Variants in PTDSS1 observed in about 807,000 individuals in gnomAD.
The protein encoded by PTDSS1 is phosphatidylserine synthase 1, also known as PSS-1.
PTDSS1 carries 45 observed loss-of-function variants against 70.5 expected under a neutral mutation model. That is an observed-to-expected ratio of 0.64 (90% CI 0.50 to 0.82). The LOEUF (loss-of-function observed/expected upper bound fraction) is 0.82, where lower values mean the gene tolerates loss of function less well. PTDSS1 is among the 40% of genes least tolerant of loss of function. The pLI, the probability that PTDSS1 is intolerant of heterozygous loss-of-function variation, is 0.00. For synonymous variants in PTDSS1, 188 were observed against 203.8 expected (o/e 0.92, Z 0.66); for missense variants, 417 against 586.1 (o/e 0.71, Z 2.98).
At chr8:96,320,383 C>A in intron 10 of PTDSS1, 38 bp downstream of exon 10, 1 of 1,508,386 alleles carries the variant, frequency 6.6e-7, no homozygotes, top group African/African-American at 1.4e-5. Flanking sequence ...ATTAGCTAAA[C>A]TCTCATAGTA....
At chr8:96,276,894 C>G (rs1476659488) in intron 2 of PTDSS1, among the ~76,000 whole-genome samples, 1 of 151,986 alleles carries the variant, frequency 6.6e-6, no homozygotes, top group African/African-American at 2.4e-5. Context: ...TTGATCTGAG[C>G]CTTCCTACTG....
chr8:96,307,147 C>T (rs1811136015), intron 8 of PTDSS1, among the ~76,000 whole-genome samples: 1 of 152,090 alleles, frequency 6.6e-6, no homozygotes, highest in East Asian at 1.9e-4. Flanking sequence ...CAGTGCAGTT[C>T]AAAGCAAGCA....
At chr8:96,290,460 T>G (rs1231000716) in intron 4 of PTDSS1, among the ~76,000 whole-genome samples, 1 of 151,754 alleles carries the variant, frequency 6.6e-6, no homozygotes, top group Admixed American at 6.6e-5. Flanking sequence ...GACATCCAGA[T>G]GTCAAAGTTA....
chr8:96,320,146 T>G lies in PTDSS1; in HGVS notation c.1074-100T>G. 2.9e-6 allele frequency: 3 copies of G among 1,028,384 alleles called. No homozygotes were observed. The South Asian group carries it at 4.4e-5, about 15-fold the overall frequency. 63.7% of individuals were successfully genotyped at this position (1,028,384 alleles called of 1,614,324 possible). A position where few individuals can be genotyped will look rare whatever the true frequency, so the allele number is the denominator to read the frequency against. ...ACCAGTGTTTGAGGCAGAAATCGCA[T>G]GATGAGTTGAACTTTTTCATTCAAT... On this transcript the variant is annotated intron_variant, in intron 9 of 12. Coordinates refer to ENST00000517309, the MANE Select transcript of PTDSS1 (RefSeq NM_014754.3).
intron 11 of PTDSS1, chr8:96,330,817 A>G: frequency 1.8e-6 from 1 of 554,508 alleles, no homozygotes; most frequent in Non-Finnish European, 3.2e-6. Context: ...AACTTAAGGC[A>G]TGTTGTGGAA....
intron 7 of PTDSS1, among the ~76,000 whole-genome samples, chr8:96,305,230 G>A (rs1811106087): frequency 6.6e-6 from 1 of 152,238 alleles, no homozygotes; most frequent in African/African-American, 2.4e-5. Context: ...GGTATGCGAT[G>A]GAGCACACTG....
In PTDSS1 at chr8:96,333,865, T is replaced by A. The variant is rs888193718; in HGVS notation, c.*299T>A. On this transcript the variant is annotated 3_prime_UTR_variant, in exon 13 of 13. Transcript: ENST00000517309. Reference sequence around the variant, plus strand: ...GGAAACGGTAGCTATTCATTCACAGTTGCCAAGAGCAGCTCCGCGCCTGCT... The same window carrying A: ...GGAAACGGTAGCTATTCATTCACAGATGCCAAGAGCAGCTCCGCGCCTGCT... The A allele has an allele frequency of 2.8e-5, 18 of 639,328 alleles. No homozygotes were observed. The Admixed American group carries it at 3.2e-4, about 11-fold the overall frequency. 39.6% of individuals were successfully genotyped at this position (639,328 alleles called of 1,614,324 possible).
chr8:96,321,124 G>C (rs901761328), intron 10 of PTDSS1, among the ~76,000 whole-genome samples: 1 of 152,192 alleles, frequency 6.6e-6, no homozygotes, highest in African/African-American at 2.4e-5. Flanking sequence ...AGAGAGGATA[G>C]ATGGCCCCTC....
At chr8:96,329,860 G>A (rs1450538051) in intron 10 of PTDSS1, among the ~76,000 whole-genome samples, 1 of 152,148 alleles carries the variant, frequency 6.6e-6, no homozygotes, top group African/African-American at 2.4e-5. Context: ...GGGAGAGAAT[G>A]GACCCTGAAA....
At chr8:96,333,107 T>G (rs1004968412) in intron 12 of PTDSS1, among the ~76,000 whole-genome samples, 1 of 152,094 alleles carries the variant, frequency 6.6e-6, no homozygotes, top group African/African-American at 2.4e-5. Context: ...GGGCACCGCG[T>G]GGTGTGTGTT....
At chr8:96,318,755 T>C (rs1272061925) in intron 9 of PTDSS1, among the ~76,000 whole-genome samples, 1 of 152,158 alleles carries the variant, frequency 6.6e-6, no homozygotes, top group Non-Finnish European at 1.5e-5. Context: ...AGAATTTCTG[T>C]TGATTTTTCT....
chr8:96,294,361 A>C, intron 4 of PTDSS1, among the ~76,000 whole-genome samples: 1 of 152,254 alleles, frequency 6.6e-6, no homozygotes, highest in African/African-American at 2.4e-5. Flanking sequence ...TGTGAAATGT[A>C]GAGATTCCCA....
intron 6 of PTDSS1, among the ~76,000 whole-genome samples, chr8:96,300,753 A>G (rs1811038912): frequency 1.3e-5 from 2 of 152,308 alleles, no homozygotes; most frequent in South Asian, 4.1e-4. Context: ...ATATGGATAA[A>G]CCATGTAGTA....
intron 2 of PTDSS1, among the ~76,000 whole-genome samples, chr8:96,283,308 G>C (rs1374184470): frequency 2.0e-5 from 3 of 152,292 alleles, no homozygotes; most frequent in African/African-American, 7.2e-5. Context: ...AAAAGGCGTG[G>C]GTAGACCTGC....
chr8:96,303,909 C>G, intron 6 of PTDSS1, 131 bp from the exon 7 acceptor site: 1 of 1,024,900 alleles, frequency 9.8e-7, no homozygotes, highest in Non-Finnish European at 1.4e-6. Flanking sequence ...AGACACAATT[C>G]AAATAAAAAG....
At chr8:96,290,073 A>G (rs144136307) in intron 4 of PTDSS1, among the ~76,000 whole-genome samples, 1 of 152,226 alleles carries the variant, frequency 6.6e-6, no homozygotes, top group East Asian at 1.9e-4. Context: ...TCATATCACC[A>G]TTTTACAGGG....
chr8:96,311,543 T>A (rs1299906342), intron 9 of PTDSS1, among the ~76,000 whole-genome samples: 14 of 152,206 alleles, frequency 9.2e-5, no homozygotes, highest in Admixed American at 9.2e-4. Context: ...TGTGTATGTG[T>A]GTGTGTGTTT....
At chr8:96,273,877 GA>G (rs1013727590) in intron 2 of PTDSS1, among the ~76,000 whole-genome samples, 2 of 152,130 alleles carry the variant, frequency 1.3e-5, no homozygotes, top group Non-Finnish European at 2.9e-5. Context: ...ATGCATTTAG[GA>G]TATGAATTTT....
At chr8:96,263,515 G>A (rs532114071) in intron 1 of PTDSS1, among the ~76,000 whole-genome samples, 1 of 152,310 alleles carries the variant, frequency 6.6e-6, no homozygotes, top group Non-Finnish European at 1.5e-5. Context: ...TACTTATATA[G>A]GGTTATGAAA....
Sources: gnomAD v4.1 joint callset for allele counts (sites outside exome capture counted in the v4.1 genomes callset) on GRCh38, gnomAD v4.1.1 for gene constraint, MANE v1.5 for transcripts, NCBI Gene and HGNC (gene_info 2026-07-23, HGNC 2026-07-21) for gene names.